MTREX: variants seen among roughly 807,000 people sequenced by gnomAD.
MTREX encodes the protein exosome RNA helicase MTR4.
Under a neutral mutation model 135.4 loss-of-function variants are expected in MTREX, and 76 were observed. That is an observed-to-expected ratio of 0.56 (90% CI 0.47 to 0.68). The LOEUF (loss-of-function observed/expected upper bound fraction) is 0.68, where lower values mean the gene tolerates loss of function less well. Ranked by LOEUF, MTREX falls within the 30% of genes least tolerant of loss-of-function variation. The probability of loss-of-function intolerance (pLI) is 0.00; values close to 1 mark genes in which losing one functional copy is unlikely to be tolerated. For synonymous variants in MTREX, 404 were observed against 401.6 expected (o/e 1.01, Z -0.07); for missense variants, 920 against 1,262.1 (o/e 0.73, Z 4.11).
intron 16 of MTREX, among the ~76,000 whole-genome samples, chr5:55,374,764 A>C (rs1750266257): frequency 6.6e-6 from 1 of 152,266 alleles, no homozygotes; most frequent in African/African-American, 2.4e-5. Flanking sequence ...AATTCCTAAG[A>C]GCCATATAGG....
chr5:55,374,286 A>ATATATATATAT (rs58169395), intron 16 of MTREX, among the ~76,000 whole-genome samples: 1 of 144,834 alleles, frequency 6.9e-6, no homozygotes, highest in Non-Finnish European at 1.5e-5. Flanking sequence ...ATATATATAT[A>ATATATATATAT]AACAATTTTT....
rs764411008 is a variant in MTREX, at chr5:55,328,768, C to G, written c.472C>G (p.Leu158Val). 1 of 1,613,216 alleles carries G rather than the reference C, an allele frequency of 6.2e-7. No homozygotes were observed. The highest frequency in any genetic ancestry group is 2.2e-5 in the East Asian group (1 of 44,822). ...GTGTGTTGACAATAATCAGTCTGTTCTAGTATCTGCACATACCTCAGCGGG... is the reference window on the plus strand; with the variant it reads ...GTGTGTTGACAATAATCAGTCTGTTGTAGTATCTGCACATACCTCAGCGGG... ...IQCVDNNQSV[L>V]VSAHTSAGKT... is the part of the protein sequence containing the mutation. Residue 158 changes from leucine (L) to valine (V), a missense_variant, in exon 5 of 27, where the codon CTA becomes GTA. By Grantham distance (32) the Leu-to-Val change is conservative. Around this residue, in one of 6 missense-constraint regions of MTREX, gnomAD observed 82 missense variants for 107.4 expected, o/e 0.76. Transcript: ENST00000230640.
intron 13 of MTREX, 46 bp downstream of exon 13, chr5:55,351,075 G>A: frequency 3.3e-6 from 5 of 1,515,210 alleles, no homozygotes; most frequent in Non-Finnish European, 4.4e-6. Context: ...CATGTTGTAT[G>A]AAGAGTTTGA....
chr5:55,396,375 A>G (rs560610989), intron 19 of MTREX, among the ~76,000 whole-genome samples: 3 of 152,318 alleles, frequency 2.0e-5, no homozygotes, highest in East Asian at 1.9e-4. Context: ...AGATCTTACA[A>G]CATTATAGCT....
At chr5:55,312,968 C>T (rs761168710) in intron 1 of MTREX, among the ~76,000 whole-genome samples, 1 of 152,140 alleles carries the variant, frequency 6.6e-6, no homozygotes, top group Non-Finnish European at 1.5e-5. Context: ...GCTTAGGGTG[C>T]ACAATGCTAC....
At position 55,424,963 on chromosome 5, in the gene MTREX, A is replaced by T. The variant is rs936005334; in HGVS notation, c.*191A>T. The T allele has an allele frequency of 3.1e-6, 2 of 643,750 alleles. No individual in the cohort carries two copies. Among genetic ancestry groups the T allele is most frequent in the Admixed American group, 3.0e-5 (1 of 32,936 alleles). The allele number at this position is 643,750 out of a possible 1,614,324, so 39.9% of individuals were successfully genotyped here. On this transcript the variant is annotated 3_prime_UTR_variant, in exon 27 of 27. Transcript: ENST00000230640. ...TAAGCATTACATTTTTTTAATAAAAATGTATACAGGTGGGGCACTGTTTTG... is the reference window on the plus strand; with the variant it reads ...TAAGCATTACATTTTTTTAATAAAATTGTATACAGGTGGGGCACTGTTTTG...
At chr5:55,409,527 A>G (rs1225670890) in intron 22 of MTREX, among the ~76,000 whole-genome samples, 4 of 152,232 alleles carry the variant, frequency 2.6e-5, no homozygotes, top group Non-Finnish European at 5.9e-5. Context: ...TCTTTGTAAT[A>G]ATAAATATAT....
At chr5:55,311,398 A>G (rs1749109668) in intron 1 of MTREX, among the ~76,000 whole-genome samples, 1 of 152,174 alleles carries the variant, frequency 6.6e-6, no homozygotes, top group South Asian at 2.1e-4. Context: ...ACAAAACCCT[A>G]CACTGTTTTT....
chr5:55,423,244 A>T (rs1751084351), intron 26 of MTREX: 1 of 395,192 alleles, frequency 2.5e-6, no homozygotes, highest in African/African-American at 2.1e-5. Flanking sequence ...AGTGAACAAA[A>T]AGACACCCCT....
intron 2 of MTREX, among the ~76,000 whole-genome samples, chr5:55,322,924 G>A (rs1251323398): frequency 6.6e-6 from 1 of 152,124 alleles, no homozygotes; most frequent in Non-Finnish European, 1.5e-5. Flanking sequence ...GGAATCGCTG[G>A]TATTTATCTG....
intron 24 of MTREX, 117 bp downstream of exon 24, chr5:55,414,355 G>T: frequency 6.4e-6 from 5 of 781,180 alleles, no homozygotes; most frequent in South Asian, 2.6e-5. Flanking sequence ...TAACCTATAA[G>T]GATTAAATGT....
chr5:55,417,263 A>G (rs230762), intron 25 of MTREX, among the ~76,000 whole-genome samples: 132,452 of 152,086 alleles, frequency 0.87, 57,921 homozygotes, highest in South Asian at 0.92. Context: ...ACTATATGCC[A>G]AACACTGTGC....
At chr5:55,422,194 C>G (rs230755) in intron 25 of MTREX, among the ~76,000 whole-genome samples, 41,072 of 152,026 alleles carry the variant, frequency 0.27, 5,972 homozygotes, top group East Asian at 0.39. Context: ...CTCCTCTTTG[C>G]ACAAGTCTAG....
At position 55,425,410 on chromosome 5, in the gene MTREX, C is replaced by T. The variant is rs1561217103; in HGVS notation, c.*638C>T. 3.0e-6 allele frequency: 4 copies of T among 1,326,022 alleles called. No individual in the cohort carries two copies. Among genetic ancestry groups the T allele is most frequent in the Non-Finnish European group, 4.2e-6 (4 of 961,138 alleles). 82.1% of individuals were successfully genotyped at this position (1,326,022 alleles called of 1,614,324 possible). On this transcript the variant is annotated 3_prime_UTR_variant, in exon 27 of 27. Coordinates refer to ENST00000230640, the MANE Select transcript of MTREX (RefSeq NM_015360.5). ...ATACAAAGTTGTGATCAACAGCATCCTAAGATAAATATAAACAAAAGGATA... is the reference window on the plus strand; with the variant it reads ...ATACAAAGTTGTGATCAACAGCATCTTAAGATAAATATAAACAAAAGGATA...
chr5:55,402,734 T>G (rs1215157053), intron 21 of MTREX, among the ~76,000 whole-genome samples: 1 of 151,960 alleles, frequency 6.6e-6, no homozygotes, highest in Admixed American at 6.6e-5. Flanking sequence ...GTGGTCTTTT[T>G]TTTTTCTTTT....
chr5:55,337,402 C>T (rs946251173), intron 5 of MTREX, among the ~76,000 whole-genome samples: 7 of 152,138 alleles, frequency 4.6e-5, no homozygotes, highest in Non-Finnish European at 7.4e-5. Context: ...GCCTCAGCCT[C>T]CCAAAGTGCT....
intron 21 of MTREX, 94 bp from the exon 22 acceptor site, chr5:55,405,331 T>G: frequency 8.8e-7 from 1 of 1,132,434 alleles, no homozygotes; most frequent in Non-Finnish European, 1.3e-6. Context: ...TAAGATGTTC[T>G]TTAAAAATAT....
chr5:55,316,151 A>T (rs745611126), intron 1 of MTREX, among the ~76,000 whole-genome samples: 105 of 152,154 alleles, frequency 6.9e-4, no homozygotes, highest in Non-Finnish European at 1.6e-4. Flanking sequence ...TAAATAGCCT[A>T]CCCACCAAAA....
chr5:55,312,143 G>A (rs756425714), intron 1 of MTREX, among the ~76,000 whole-genome samples: 1 of 152,042 alleles, frequency 6.6e-6, no homozygotes, highest in East Asian at 1.9e-4. Flanking sequence ...GCACAGTGGC[G>A]ATTTTCTGTT....
Sources: gnomAD v4.1 joint callset for allele counts (sites outside exome capture counted in the v4.1 genomes callset) on GRCh38, gnomAD v4.1.1 for gene constraint, gnomAD v4.1.1 regional missense constraint, MANE v1.5 for transcripts, NCBI Gene and HGNC (gene_info 2026-07-23, HGNC 2026-07-21) for gene names.